The following POMT1 variants were observed in gnomAD, a reference collection of about 807,000 sequenced individuals.
POMT1 encodes protein O-mannosyl-transferase 1.
In POMT1, 85 loss-of-function variants were observed where a neutral mutation model predicts 101.6. That is an observed-to-expected ratio of 0.84 (90% CI 0.70 to 1.00). POMT1 has a LOEUF of 1.00. Ranked by LOEUF, POMT1 falls within the 50% of genes least tolerant of loss-of-function variation. The pLI is 0.00. For synonymous variants in POMT1, 371 were observed against 383.0 expected, an observed-to-expected ratio of 0.97 and a Z score of 0.37; for missense variants, 857 against 930.4, an observed-to-expected ratio of 0.92 and a Z score of 1.03.
At chr9:131,511,163 A>G (rs745466014) in intron 9 of POMT1, 174 bp from the exon 10 acceptor site, 27 of 726,802 alleles carry the variant, frequency 3.7e-5, no homozygotes, top group Non-Finnish European at 4.9e-5. Context: ...CTTAGTGCTC[A>G]TTATGGTTCT....
Position 131,513,337 on chromosome 9 carries a change from T to C in POMT1, c.1175+6T>C. Reference sequence around the variant, plus strand: ...ACCACCCGCTCCCTGAACACGTGAGTGTGCCCGCCGTCTGCTCTGCTGCAC... The same window carrying C: ...ACCACCCGCTCCCTGAACACGTGAGCGTGCCCGCCGTCTGCTCTGCTGCAC... On this transcript the variant is annotated splice_donor_region_variant and intron_variant, in intron 12 of 19. Coordinates refer to ENST00000402686, the MANE Select transcript of POMT1 (RefSeq NM_001077365.2). 2.5e-6 allele frequency: 4 copies of C among 1,609,594 alleles called. No homozygotes were observed. Among genetic ancestry groups the C allele is most frequent in the Non-Finnish European group, 3.4e-6 (4 of 1,179,080 alleles).
In POMT1 at chr9:131,519,500, AG is replaced by A; in HGVS notation, c.1584+18del. On this transcript the variant is annotated intron_variant, in intron 16 of 19. Coordinates refer to ENST00000402686, the MANE Select transcript of POMT1 (RefSeq NM_001077365.2). The surrounding 1 kb of genome is among the most constrained non-coding windows in gnomAD (Gnocchi z 4.3). ...TCGGAGCTGCAGGTGAGGAGCGGCC[AG>A]GGGAAGCTGGCCTAGCTCGCTGAGC... The A allele has an allele frequency of 6.5e-7, 1 of 1,548,722 alleles. No homozygotes were observed.
chr9:131,509,995 A>G lies in POMT1; in HGVS notation c.698A>G (p.Asn233Ser), dbSNP rs139774354. Residue 233 changes from asparagine (N) to serine (S), a missense_variant and splice_region_variant, in exon 8 of 20, where the codon AAT becomes AGT. Asn to Ser is a conservative substitution (Grantham distance 46). Coordinates refer to ENST00000402686, the MANE Select transcript of POMT1 (RefSeq NM_001077365.2). ...CTGCTTGGAGACCAGACTTTGTCCA[A>G]TGTAGGTGCTGATGTCCAGTGCTGC... The part of the protein sequence containing the change: ...WHLLGDQTLS[N>S]VCVFCHLLAR... 95 of 1,614,106 alleles carry G rather than the reference A, an allele frequency of 5.9e-5. No individual in the cohort carries two copies. Among genetic ancestry groups the G allele is most frequent in the East Asian group, 3.6e-4 (16 of 44,860 alleles).
Position 131,522,364 on chromosome 9 carries a change from G to A in POMT1, c.2003+140G>A. On this transcript the variant is annotated intron_variant, in intron 19 of 19. Coordinates refer to ENST00000402686, the MANE Select transcript of POMT1 (RefSeq NM_001077365.2). This position sits in a 1 kb window ranked among gnomAD's most constrained non-coding sequence, Gnocchi z 5.5. ...ATCCTCCGGGTCCCTCCGGGGAATGGGTGAGGTTCAGAAGAGATGCCCAGA... is the reference window on the plus strand; with the variant it reads ...ATCCTCCGGGTCCCTCCGGGGAATGAGTGAGGTTCAGAAGAGATGCCCAGA... The A allele has an allele frequency of 6.7e-7, 1 of 1,487,782 alleles. No homozygotes were observed. Among genetic ancestry groups the A allele is most frequent in the Non-Finnish European group, 9.0e-7 (1 of 1,114,072 alleles). The allele number at this position is 1,487,782 out of a possible 1,614,324, so 92.2% of individuals were successfully genotyped here. A position where few individuals can be genotyped will look rare whatever the true frequency, so the allele number is the denominator to read the frequency against.
chr9:131,511,671 C>G (rs1466693763), intron 10 of POMT1: 2 of 663,872 alleles, frequency 3.0e-6, no homozygotes, highest in African/African-American at 3.6e-5. Context: ...CCAGGGTCGG[C>G]CCCAGCTCTG....
chr9:131,522,361 A>G lies in POMT1; in HGVS notation c.2003+137A>G, dbSNP rs1588505751. 11 of 1,491,226 alleles carry G rather than the reference A, an allele frequency of 7.4e-6. No individual in the cohort carries two copies. The East Asian group carries it at 2.5e-4, about 34-fold the overall frequency. 92.4% of individuals were successfully genotyped at this position (1,491,226 alleles called of 1,614,324 possible). ...GACATCCTCCGGGTCCCTCCGGGGA[A>G]TGGGTGAGGTTCAGAAGAGATGCCC... On this transcript the variant is annotated intron_variant, in intron 19 of 19. Coordinates refer to ENST00000402686, the MANE Select transcript of POMT1 (RefSeq NM_001077365.2). The surrounding 1 kb of genome is among the most constrained non-coding windows in gnomAD (Gnocchi z 5.5).
In POMT1 at chr9:131,518,477, C is replaced by T. The variant is rs1160880175; in HGVS notation, c.1305C>T (p.Val435=). 1.2e-5 allele frequency: 20 copies of T among 1,613,924 alleles called. No individual in the cohort carries two copies. Among genetic ancestry groups the T allele is most frequent in the Non-Finnish European group, 1.7e-5 (20 of 1,179,948 alleles). The change falls in exon 14 of 20, where the codon GTC becomes GTT. Residue 435 remains valine, a synonymous_variant. Transcript: ENST00000402686. The part of the protein sequence containing the change: ...EIVNRGSDTD[V]WKTILSEVRF... ...TGAACAGAGGATCTGACACAGACGT[C>T]TGGAAGACCATCCTCTCAGAGGTCC...
chr9:131,518,634 G>C, intron 14 of POMT1, 97 bp downstream of exon 14: 1 of 1,404,612 alleles, frequency 7.1e-7, no homozygotes. Flanking sequence ...CAGGCGGAAC[G>C]CTTCATTTGA....
At chr9:131,505,139 A>G (rs1283679751) in intron 2 of POMT1, among the ~76,000 whole-genome samples, 1 of 151,758 alleles carries the variant, frequency 6.6e-6, no homozygotes, top group Non-Finnish European at 1.5e-5. Flanking sequence ...AAGCAGGGAG[A>G]CAAGTATAAT....
rs746958804 is a variant in POMT1, at chr9:131,510,060, G to C, written c.699+64G>C. On this transcript the variant is annotated intron_variant, in intron 8 of 19. Coordinates refer to ENST00000402686, the MANE Select transcript of POMT1 (RefSeq NM_001077365.2). The stretch of plus-strand genomic sequence containing the variant: ...TATGGGGCAGATGCAGATGTCACAG[G>C]GGGTACTTGGTGAAAAGACTCCAAT... 1.9e-6 allele frequency: 3 copies of C among 1,614,088 alleles called. No individual in the cohort carries two copies. The highest frequency in any genetic ancestry group is 1.7e-5 in the Admixed American group (1 of 60,012).
chr9:131,511,522 T>A (rs1416113469), intron 10 of POMT1, 55 bp downstream of exon 10: 24 of 1,605,882 alleles, frequency 1.5e-5, no homozygotes, highest in Non-Finnish European at 2.0e-5. Context: ...GCTCGTAGAT[T>A]TGCTTATCTT....
chr9:131,504,372 T>A (rs754701081), intron 2 of POMT1, 32 bp downstream of exon 2: 1 of 1,613,980 alleles, frequency 6.2e-7, no homozygotes. Flanking sequence ...CCAGGGTGAA[T>A]CTAGAATTGT....
Position 131,515,447 on chromosome 9 carries a change from G to A in POMT1, c.1197G>A (p.Leu399=), listed in dbSNP as rs764535220. The A allele has an allele frequency of 5.0e-6, 8 of 1,614,042 alleles. No homozygotes were observed. The African/African-American group carries it at 9.3e-5, about 19-fold the overall frequency. Residue 399 remains leucine, a synonymous_variant, in exon 13 of 20, where the codon CTG becomes CTA. Coordinates refer to ENST00000402686, the MANE Select transcript of POMT1 (RefSeq NM_001077365.2). ...SLNTHDVAAP[L]SPHSQEVSCY... ...CCAGGCATGATGTTGCAGCCCCCCT[G>A]AGCCCCCATTCACAGGAGGTCTCCT...
At chr9:131,505,968 TG>T (rs1407774978) in intron 2 of POMT1, 145 bp from the exon 3 acceptor site, 2 of 1,091,994 alleles carry the variant, frequency 1.8e-6, no homozygotes, top group African/African-American at 1.6e-5. Flanking sequence ...TATTTGGGGA[TG>T]GGAAACAATT....
rs1166971255 is a variant in POMT1, at chr9:131,503,921, C to T, written c.-30-268C>T. ...CGTTCCTTAGCAGTGTTCTCGCGCC[C>T]AAGACGTGCTCGGCAGGTTTTGTGG... On this transcript the variant is annotated intron_variant, in intron 1 of 19. Transcript: ENST00000402686. The surrounding 1 kb of genome is among the most constrained non-coding windows in gnomAD (Gnocchi z 4.4). Among the ~76,000 whole-genome samples the T allele has an allele frequency of 1.3e-5, 2 of 152,158 alleles. No individual in the cohort carries two copies. Among genetic ancestry groups the T allele is most frequent in the Non-Finnish European group, 2.9e-5 (2 of 68,034 alleles).
In POMT1 at chr9:131,507,458, T is replaced by G; in HGVS notation, c.371T>G (p.Leu124Trp). 1 of 1,614,202 alleles carries G rather than the reference T, an allele frequency of 6.2e-7. No individual in the cohort carries two copies. The highest frequency in any genetic ancestry group is 8.5e-7 in the Non-Finnish European group (1 of 1,180,038). Reference protein sequence around the residue: ...LSVPMAYQIVLELHFSHCAAM... With the variant: ...LSVPMAYQIVWELHFSHCAAM... ...GTCCCCATGGCCTACCAGATAGTGT[T>G]GGAGCTCCACTTTTCTCATTGTGCC... The change falls in exon 5 of 20, where the codon TTG (leucine) becomes TGG (tryptophan). Residue 124 changes from leucine (L) to tryptophan (W), a missense_variant. Transcript: ENST00000402686.
At chr9:131,514,385 T>G (rs1221038313) in intron 12 of POMT1, among the ~76,000 whole-genome samples, 2 of 152,248 alleles carry the variant, frequency 1.3e-5, no homozygotes, top group Non-Finnish European at 2.9e-5. Context: ...TTGCTCCCTC[T>G]GCGAGAATGT....
intron 9 of POMT1, chr9:131,510,637 G>A: frequency 1.6e-6 from 1 of 614,064 alleles, no homozygotes; most frequent in Non-Finnish European, 2.8e-6. Flanking sequence ...CCAAGTAGCT[G>A]GTATTACAAG....
At chr9:131,511,584 G>C in intron 10 of POMT1, 117 bp downstream of exon 10, 1 of 1,413,720 alleles carries the variant, frequency 7.1e-7, no homozygotes, top group Non-Finnish European at 9.7e-7. Context: ...GAAAGAAGTT[G>C]AGCAGCCCGG....
Sources: gnomAD v4.1 joint callset for allele counts (sites outside exome capture counted in the v4.1 genomes callset) on GRCh38, gnomAD v4.1.1 for gene constraint, Gnocchi (gnomAD v3.1) non-coding constraint, MANE v1.5 for transcripts, NCBI Gene and HGNC (gene_info 2026-07-23, HGNC 2026-07-21) for gene names.